B3GALT1: variants seen among roughly 807,000 people sequenced by gnomAD.
B3GALT1 encodes the protein beta-1,3-galactosyltransferase 1.
In B3GALT1, 10 loss-of-function variants were observed where a neutral mutation model predicts 23.2. The ratio of observed to expected loss-of-function variants is 0.43; its 90% CI spans 0.27 to 0.73. The LOEUF (loss-of-function observed/expected upper bound fraction) is 0.73. Ranked by LOEUF, B3GALT1 falls within the 30% of genes least tolerant of loss-of-function variation. B3GALT1 has a pLI of 0.21. For synonymous variants in B3GALT1, 156 were observed against 141.5 expected, an observed-to-expected ratio of 1.10 and a Z score of -0.73; for missense variants, 299 against 405.4, an observed-to-expected ratio of 0.74 and a Z score of 2.25.
At chr2:167,714,418 A>G in intron 3 of B3GALT1, 1 of 1,558,026 alleles carries the variant, frequency 6.4e-7, no homozygotes, top group Non-Finnish European at 8.9e-7. Context: ...CTGGAAGCAC[A>G]GGTGAGAGTC....
chr2:167,650,879 T>G (rs1042561271), intron 3 of B3GALT1, among the ~76,000 whole-genome samples: 16 of 152,156 alleles, frequency 1.1e-4, no homozygotes, highest in African/African-American at 3.9e-4. Context: ...AATGGAAATA[T>G]GCTAACAGAA....
At chr2:167,813,413 TC>T (rs1688931240) in intron 3 of B3GALT1, among the ~76,000 whole-genome samples, 1 of 152,214 alleles carries the variant, frequency 6.6e-6, no homozygotes, top group Non-Finnish European at 1.5e-5. Flanking sequence ...CAACACTGAG[TC>T]ACTTTTTAAT....
intron 3 of B3GALT1, among the ~76,000 whole-genome samples, chr2:167,804,962 A>G (rs1417203788): frequency 6.6e-6 from 1 of 152,100 alleles, no homozygotes; most frequent in African/African-American, 2.4e-5. Context: ...AAGTGTTCCT[A>G]TTTCTGCACA....
At position 167,293,006 on chromosome 2, in the gene B3GALT1, C is replaced by G. The variant is rs1696274488; in HGVS notation, c.-839C>G. Among the ~76,000 whole-genome samples the G allele has an allele frequency of 1.3e-5, 2 of 152,038 alleles. No homozygotes were observed. The highest frequency in any genetic ancestry group is 2.9e-5 in the Non-Finnish European group (2 of 67,980). ...CGTTGTCAGTCGCCGAGGCCAGAGC[C>G]ATCGCCGGGGAAGCGCAGCCGGGCT... On this transcript the variant is annotated 5_prime_UTR_variant, in exon 1 of 5. Coordinates refer to ENST00000392690, the MANE Select transcript of B3GALT1 (RefSeq NM_020981.4).
intron 2 of B3GALT1, among the ~76,000 whole-genome samples, chr2:167,560,628 A>C (rs1683961217): frequency 6.6e-6 from 1 of 151,848 alleles, no homozygotes; most frequent in African/African-American, 2.4e-5. Context: ...AAGCAAATGG[A>C]AAACAAAAAA....
chr2:167,717,041 A>G (rs1687155675), intron 3 of B3GALT1, among the ~76,000 whole-genome samples: 1 of 152,178 alleles, frequency 6.6e-6, no homozygotes, highest in Admixed American at 6.5e-5. Flanking sequence ...TTTGCTTGAA[A>G]CATCAATCAT....
intron 3 of B3GALT1, among the ~76,000 whole-genome samples, chr2:167,667,718 T>C (rs1012072043): frequency 6.6e-6 from 1 of 152,240 alleles, no homozygotes; most frequent in African/African-American, 2.4e-5. Flanking sequence ...CCATCGCTGA[T>C]GCCCTTTCTT....
intron 4 of B3GALT1, among the ~76,000 whole-genome samples, chr2:167,846,846 C>T (rs1326241442): frequency 6.6e-6 from 1 of 152,114 alleles, no homozygotes; most frequent in Non-Finnish European, 1.5e-5. Context: ...ACCAACTAAC[C>T]ATCTGCTGTC....
intron 1 of B3GALT1, among the ~76,000 whole-genome samples, chr2:167,482,926 T>A (rs1297639873): frequency 6.6e-6 from 1 of 152,222 alleles, no homozygotes; most frequent in African/African-American, 2.4e-5. Flanking sequence ...ATGATAATTC[T>A]AATATTTTTT....
Position 167,562,258 on chromosome 2 carries a change from C to G in B3GALT1, c.-410+71981C>G, listed in dbSNP as rs753875620. ...AAGGCCTTTGACAAAATTCAACAACCCTTCATGCTAAAAACTCTCAATACA... is the reference window on the plus strand; with the variant it reads ...AAGGCCTTTGACAAAATTCAACAACGCTTCATGCTAAAAACTCTCAATACA... On this transcript the variant is annotated intron_variant, in intron 2 of 4. Transcript: ENST00000392690. 9.9e-3 allele frequency among the ~76,000 whole-genome samples: 1,498 copies of G among 151,868 alleles called. 7 individuals are homozygous for G. Among genetic ancestry groups the G allele is most frequent in the Non-Finnish European group, 0.014 (919 of 67,858 alleles).
At chr2:167,594,551 C>G (rs370557246) in intron 2 of B3GALT1, among the ~76,000 whole-genome samples, 3 of 152,178 alleles carry the variant, frequency 2.0e-5, no homozygotes, top group African/African-American at 7.2e-5. Flanking sequence ...TTTTTTTAAA[C>G]TTTCTGGAAT....
intron 3 of B3GALT1, among the ~76,000 whole-genome samples, chr2:167,765,823 T>C (rs1022185762): frequency 6.6e-6 from 1 of 152,246 alleles, no homozygotes; most frequent in Non-Finnish European, 1.5e-5. Flanking sequence ...AAGTGTATTA[T>C]ACCGATAAAC....
Position 167,293,116 on chromosome 2 carries a change from C to G in B3GALT1, c.-729C>G, listed in dbSNP as rs1183561036. 4 of 151,118 alleles carry G rather than the reference C, an allele frequency of 2.6e-5. No individual in the cohort carries two copies. The highest frequency in any genetic ancestry group is 9.7e-5 in the African/African-American group (4 of 41,310). 9.4% of individuals were successfully genotyped at this position (151,118 alleles called of 1,614,324 possible). A position where few individuals can be genotyped will look rare whatever the true frequency, so the allele number is the denominator to read the frequency against. On this transcript the variant is annotated 5_prime_UTR_variant, in exon 1 of 5. Transcript: ENST00000392690. ...GCGCCGCCGCCGCCTCTGCTGCTGC[C>G]CACCCCGCCGCGCCGCCGGCGCTGC...
At chr2:167,459,553 T>C (rs1699225113) in intron 1 of B3GALT1, among the ~76,000 whole-genome samples, 1 of 152,234 alleles carries the variant, frequency 6.6e-6, no homozygotes, top group African/African-American at 2.4e-5. Context: ...ACCAAAGTTA[T>C]AAGAATACTA....
chr2:167,605,654 T>C (rs1434060873), intron 2 of B3GALT1, among the ~76,000 whole-genome samples: 1 of 152,224 alleles, frequency 6.6e-6, no homozygotes, highest in East Asian at 1.9e-4. Flanking sequence ...TCCTGTGATA[T>C]TCTTTTGGTC....
intron 4 of B3GALT1, among the ~76,000 whole-genome samples, chr2:167,823,746 T>A (rs1162447642): frequency 6.6e-6 from 1 of 152,172 alleles, no homozygotes; most frequent in Non-Finnish European, 1.5e-5. Flanking sequence ...GAACCAAATA[T>A]CCACTAAACT....
At chr2:167,637,995 A>C (rs1685588453) in intron 2 of B3GALT1, among the ~76,000 whole-genome samples, 1 of 152,032 alleles carries the variant, frequency 6.6e-6, no homozygotes, top group Admixed American at 6.6e-5. Context: ...AGGAAGTCAG[A>C]ATCAGCAAAG....
At chr2:167,743,544 A>AT (rs1687607711) in intron 3 of B3GALT1, among the ~76,000 whole-genome samples, 1 of 151,798 alleles carries the variant, frequency 6.6e-6, no homozygotes, top group African/African-American at 2.4e-5. Context: ...TCTTTTGCCC[A>AT]TTTTTCCATT....
chr2:167,794,536 T>C (rs1158600603), intron 3 of B3GALT1, among the ~76,000 whole-genome samples: 1 of 152,228 alleles, frequency 6.6e-6, no homozygotes, highest in Non-Finnish European at 1.5e-5. Flanking sequence ...TTTAGAATCC[T>C]GACTCCTCCC....
Sources: gnomAD v4.1 joint callset for allele counts (sites outside exome capture counted in the v4.1 genomes callset) on GRCh38, gnomAD v4.1.1 for gene constraint, MANE v1.5 for transcripts, NCBI Gene and HGNC (gene_info 2026-07-23, HGNC 2026-07-21) for gene names.